Variants in FBN2 observed in about 807,000 individuals in gnomAD.
FBN2 encodes fibrillin-2.
In FBN2, 105 loss-of-function variants were observed where a neutral mutation model predicts 355.6. That is an observed-to-expected ratio of 0.30 (90% CI 0.25 to 0.35). The LOEUF (loss-of-function observed/expected upper bound fraction) is 0.35. FBN2 is among the 10% of genes least tolerant of loss of function. The probability of loss-of-function intolerance (pLI) is 1.00; values close to 1 mark genes in which losing one functional copy is unlikely to be tolerated. For missense variants in FBN2, 3,280 were observed against 3,758.7 expected, an observed-to-expected ratio of 0.87 and a Z score of 3.33; for synonymous variants, 1,350 against 1,301.2, an observed-to-expected ratio of 1.04 and a Z score of -0.81.
chr5:128,349,928 G>C (rs1308505028), intron 22 of FBN2, 27 bp downstream of exon 22: 7 of 1,565,938 alleles, frequency 4.5e-6, no homozygotes, highest in Non-Finnish European at 6.2e-6. Flanking sequence ...AAGATGTATA[G>C]TATCTTCCAA....
chr5:128,463,876 A>G (rs1754625776), intron 6 of FBN2, among the ~76,000 whole-genome samples: 1 of 152,184 alleles, frequency 6.6e-6, no homozygotes, highest in Non-Finnish European at 1.5e-5. Flanking sequence ...TATGAATAAT[A>G]TTATTTATGT....
chr5:128,310,143 T>A, intron 39 of FBN2, 35 bp from the exon 40 acceptor site: 1 of 1,546,366 alleles, frequency 6.5e-7, no homozygotes, highest in South Asian at 1.1e-5. Flanking sequence ...AATTAATAAA[T>A]CTATTTTTTC....
chr5:128,309,098 C>T, intron 41 of FBN2, 149 bp downstream of exon 41: 1 of 739,322 alleles, frequency 1.4e-6, no homozygotes, highest in Non-Finnish European at 2.3e-6. Context: ...CAAAGAGGAT[C>T]ACTTGGGAAA....
chr5:128,396,843 C>T (rs6881856), intron 8 of FBN2, among the ~76,000 whole-genome samples: 16,679 of 152,140 alleles, frequency 0.11, 1,094 homozygotes, highest in African/African-American at 0.17. Flanking sequence ...TGTACCACAG[C>T]AATCAGGATC....
rs114090698 is a variant in FBN2, at chr5:128,349,574, A to G, written c.2864-102T>C. On this transcript the variant is annotated intron_variant, in intron 22 of 64. Transcript: ENST00000262464. Reference sequence around the variant, plus strand: ...AGCATTTTCAATCCACATTCAATACAATGTGGATTATTACTTGAGTTAAAC... The same window carrying G: ...AGCATTTTCAATCCACATTCAATACGATGTGGATTATTACTTGAGTTAAAC... The G allele has an allele frequency of 1.2e-3, 1,600 of 1,318,142 alleles. 21 individuals are homozygous for G. The African/African-American group carries it at 0.02, about 17-fold the overall frequency. The allele number at this position is 1,318,142 out of a possible 1,614,324, so 81.7% of individuals were successfully genotyped here.
At position 128,408,817 on chromosome 5, in the gene FBN2, G is replaced by C. The variant is rs759812339; in HGVS notation, c.953-18C>G. 5.6e-6 allele frequency: 9 copies of C among 1,613,588 alleles called. No homozygotes were observed. The East Asian group carries it at 2.0e-4, about 36-fold the overall frequency. On this transcript the variant is annotated intron_variant, in intron 7 of 64. Transcript: ENST00000262464. ...ATCAATGTCTAATCAAGGGAAGAAGGAGAAGATGATTGAGAAAGGCCTTCA... is the reference window on the plus strand; with the variant it reads ...ATCAATGTCTAATCAAGGGAAGAAGCAGAAGATGATTGAGAAAGGCCTTCA...
chr5:128,330,546 A>G lies in FBN2; in HGVS notation c.4345+27T>C, dbSNP rs1351427794. The G allele has an allele frequency of 1.9e-6, 3 of 1,613,754 alleles. No homozygotes were observed. The Admixed American group carries it at 5.0e-5, about 27-fold the overall frequency. Reference sequence around the variant, plus strand: ...TAGAGTGTTCTATGACCATCCCGTCAGAGCACACCTCAGGACTGTCACCCA... The same window carrying G: ...TAGAGTGTTCTATGACCATCCCGTCGGAGCACACCTCAGGACTGTCACCCA... On this transcript the variant is annotated intron_variant, in intron 33 of 64. Coordinates refer to ENST00000262464, the MANE Select transcript of FBN2 (RefSeq NM_001999.4).
chr5:128,383,982 A>G (rs924891518), intron 11 of FBN2, among the ~76,000 whole-genome samples: 1 of 152,144 alleles, frequency 6.6e-6, no homozygotes, highest in African/African-American at 2.4e-5. Flanking sequence ...ACACTTGTCC[A>G]TGAATGTTCA....
At chr5:128,298,813 G>C (rs372559710) in intron 48 of FBN2, among the ~76,000 whole-genome samples, 1 of 152,040 alleles carries the variant, frequency 6.6e-6, no homozygotes, top group Non-Finnish European at 1.5e-5. Context: ...TAATTTGATC[G>C]TCTGAAGCCT....
chr5:128,365,023 G>T, intron 17 of FBN2: 1 of 275,888 alleles, frequency 3.6e-6, no homozygotes, highest in South Asian at 4.4e-5. Flanking sequence ...CAATTTATAG[G>T]CTGTTGGCTC....
At chr5:128,275,463 C>T (rs1303376998) in intron 59 of FBN2, among the ~76,000 whole-genome samples, 29 of 148,898 alleles carry the variant, frequency 1.9e-4, no homozygotes, top group African/African-American at 6.9e-4. Context: ...TTTTGATATG[C>T]CTTGGAAATA....
chr5:128,293,155 A>C (rs1749377413), intron 48 of FBN2, among the ~76,000 whole-genome samples: 1 of 152,192 alleles, frequency 6.6e-6, no homozygotes, highest in South Asian at 2.1e-4. Context: ...TGGTCATGTT[A>C]GAATGTCATC....
chr5:128,350,094 G>T (rs768367811), intron 21 of FBN2, 89 bp from the exon 22 acceptor site: 2 of 1,136,842 alleles, frequency 1.8e-6, no homozygotes, highest in Non-Finnish European at 2.7e-6. Context: ...AAATCTAAAT[G>T]GAACTAAATA....
intron 36 of FBN2, 100 bp from the exon 37 acceptor site, chr5:128,312,895 GT>G (rs1750097205): frequency 7.7e-7 from 1 of 1,302,414 alleles, no homozygotes; most frequent in African/African-American, 1.4e-5. Context: ...AATTTTGTAC[GT>G]TAACATGAAA....
rs1468571846 is a variant in FBN2 at position 128,305,621 on chromosome 5, C to T, written c.5564G>A (p.Ser1855Asn). The T allele has an allele frequency of 6.2e-7, 1 of 1,613,840 alleles. No homozygotes were observed. The highest frequency in any genetic ancestry group is 1.3e-5 in the African/African-American group (1 of 74,916). ...LLVCEDIDEC[S>N]NGDNLCQRNA... The stretch of plus-strand genomic sequence containing the variant: ...CCGCTGGCAGAGATTATCACCATTG[C>T]TGCACTCATCTATATCTGAAAGAGC... The change falls in exon 44 of 65, where the codon AGC (serine) becomes AAC (asparagine). Residue 1855 changes from serine (S) to asparagine (N), a missense_variant. By Grantham distance (46) the Ser-to-Asn change is conservative. This residue lies in a region of FBN2 where 2,284 missense variants were observed against 2,749.5 expected (regional missense o/e 0.83). Coordinates refer to ENST00000262464, the MANE Select transcript of FBN2 (RefSeq NM_001999.4).
intron 19 of FBN2, among the ~76,000 whole-genome samples, chr5:128,358,579 G>T (rs909192914): frequency 6.6e-6 from 1 of 152,048 alleles, no homozygotes; most frequent in Admixed American, 6.5e-5. Context: ...GAAGAAATAT[G>T]AATGTATTTT....
intron 59 of FBN2, among the ~76,000 whole-genome samples, chr5:128,274,894 AT>A (rs1269069712): frequency 2.6e-5 from 4 of 152,348 alleles, no homozygotes; most frequent in African/African-American, 7.2e-5. Context: ...TGATAGGACA[AT>A]TAAGGCAATA....
At chr5:128,519,465 T>A in intron 4 of FBN2, 97 bp from the exon 5 acceptor site, 1 of 556,166 alleles carries the variant, frequency 1.8e-6, no homozygotes, top group South Asian at 2.5e-5. Context: ...TTATGTTAAA[T>A]TATAGTACAT....
intron 2 of FBN2, among the ~76,000 whole-genome samples, chr5:128,531,914 C>T (rs1398831511): frequency 6.6e-6 from 1 of 151,984 alleles, no homozygotes; most frequent in African/African-American, 2.4e-5. Context: ...ATTGTCTTAT[C>T]AATACAGGTT....
Sources: gnomAD v4.1 joint callset for allele counts (sites outside exome capture counted in the v4.1 genomes callset) on GRCh38, gnomAD v4.1.1 for gene constraint, gnomAD v4.1.1 regional missense constraint, MANE v1.5 for transcripts, NCBI Gene and HGNC (gene_info 2026-07-23, HGNC 2026-07-21) for gene names.